STK31: variants seen among roughly 807,000 people sequenced by gnomAD.
STK31 encodes the protein serine/threonine-protein kinase 31.
In STK31, 89 loss-of-function variants were observed where a neutral mutation model predicts 129.7. The ratio of observed to expected loss-of-function variants is 0.69; its 90% CI spans 0.58 to 0.82. The LOEUF is 0.82. Among genes scored for constraint, STK31 ranks in the 40% least tolerant of loss-of-function variants. The probability of loss-of-function intolerance (pLI) is 0.00; values close to 1 mark genes in which losing one functional copy is unlikely to be tolerated. For missense variants in STK31, 1,187 were observed against 1,176.4 expected (o/e 1.01, Z -0.13); for synonymous variants, 448 against 395.3 (o/e 1.13, Z -1.58).
chr7:23,826,801 T>C (rs1794182041), intron 23 of STK31, among the ~76,000 whole-genome samples: 1 of 152,202 alleles, frequency 6.6e-6, no homozygotes, highest in African/African-American at 2.4e-5. Context: ...GGTGACAAAA[T>C]CTCTCAGCAT....
rs1258829503 is a variant in STK31 at position 23,769,030 on chromosome 7, A to G, written c.1452A>G (p.Gln484=). 3 of 1,612,252 alleles carry G rather than the reference A, an allele frequency of 1.9e-6. No individual in the cohort carries two copies. Among genetic ancestry groups the G allele is most frequent in the African/African-American group, 1.3e-5 (1 of 74,932 alleles). The stretch of plus-strand genomic sequence containing the variant: ...TCTCTTTAGAAGCAGTGTATGGACA[A>G]GCCAAAGAAGGAGCAAATTCTGATG... The part of the protein sequence containing the change: ...LSVSLEAVYG[Q]AKEGANSDEI... Residue 484 remains glutamine, a synonymous_variant, in exon 12 of 24, where the codon CAA becomes CAG. Transcript: ENST00000355870.
intron 3 of STK31, among the ~76,000 whole-genome samples, chr7:23,716,276 A>G (rs1786316406): frequency 1.3e-5 from 2 of 152,208 alleles, no homozygotes; most frequent in East Asian, 1.9e-4. Context: ...TAGATTAGCA[A>G]GAGTTCCACA....
intron 6 of STK31, among the ~76,000 whole-genome samples, chr7:23,730,879 T>TATATATATATATATATATA (rs1491380351): frequency 1.0e-4 from 4 of 39,286 alleles, no homozygotes; most frequent in South Asian, 1.4e-3. Context: ...TATATATATA[T>TATATATATATATATATATA]TTTTTTTTTT....
rs183099773 is a variant in STK31, at chr7:23,788,138, T to G, written c.2637+9T>G. ...ACTTCACCAAATCTGTGGTAAGATA[T>G]CATGGTTTTACAAATAGGTTCTAGA... On this transcript the variant is annotated intron_variant, in intron 21 of 23. Coordinates refer to ENST00000355870, the MANE Select transcript of STK31 (RefSeq NM_031414.5). 7.9e-5 allele frequency: 126 copies of G among 1,604,792 alleles called. No individual in the cohort carries two copies. The East Asian group carries it at 2.8e-3, about 36-fold the overall frequency.
chr7:23,710,655 G>A, intron 1 of STK31: 1 of 1,174,998 alleles, frequency 8.5e-7, no homozygotes, highest in Non-Finnish European at 1.1e-6. Context: ...AAGTGTCAGA[G>A]AGCTACGTGT....
chr7:23,811,359 C>T, intron 22 of STK31: 1 of 381,318 alleles, frequency 2.6e-6, no homozygotes, highest in South Asian at 2.4e-5. Flanking sequence ...TCAAGTTTGC[C>T]TTTGATTGAT....
At chr7:23,764,530 C>A (rs897418221) in intron 11 of STK31, among the ~76,000 whole-genome samples, 1 of 152,076 alleles carries the variant, frequency 6.6e-6, no homozygotes, top group African/African-American at 2.4e-5. Flanking sequence ...ATTTAGACTT[C>A]TTTTGTGGCA....
At chr7:23,774,793 T>C (rs1418288652) in intron 15 of STK31, among the ~76,000 whole-genome samples, 1 of 152,228 alleles carries the variant, frequency 6.6e-6, no homozygotes, top group Non-Finnish European at 1.5e-5. Context: ...AGATCCCATT[T>C]GTCAATTTTG....
intron 10 of STK31, among the ~76,000 whole-genome samples, chr7:23,756,207 T>G (rs1361413419): frequency 1.3e-5 from 2 of 152,200 alleles, no homozygotes; most frequent in South Asian, 2.1e-4. Flanking sequence ...GAAGAGGTCC[T>G]TCACATCCCT....
chr7:23,726,881 AAT>A (rs752937285), intron 4 of STK31, among the ~76,000 whole-genome samples: 42 of 152,328 alleles, frequency 2.8e-4, no homozygotes, highest in Non-Finnish European at 5.1e-4. Context: ...TGTTAAAAAA[AAT>A]TGTACCAATT....
At chr7:23,736,207 G>A (rs1410297908) in intron 7 of STK31, among the ~76,000 whole-genome samples, 1 of 152,190 alleles carries the variant, frequency 6.6e-6, no homozygotes, top group Admixed American at 6.5e-5. Context: ...TTCAGGCAAA[G>A]TCAGAATTTC....
At chr7:23,776,978 T>C (rs1000916994) in intron 15 of STK31, among the ~76,000 whole-genome samples, 6 of 152,248 alleles carry the variant, frequency 3.9e-5, no homozygotes, top group Non-Finnish European at 8.8e-5. Context: ...AATTTCCCTC[T>C]AAACACTGCT....
At position 23,801,899 on chromosome 7, in the gene STK31, A is replaced by C. The variant is rs183129721; in HGVS notation, c.2760+10953A>C. Among the ~76,000 whole-genome samples the C allele has an allele frequency of 8.5e-4, 130 of 152,284 alleles. 4 individuals carry two copies. In the East Asian group the frequency reaches 0.018, roughly 21 times the overall value. ...CTTTCTGCTGTTGATCTGTGTGTCT[A>C]TCCGTTTACCAACATCATACTGTCT... On this transcript the variant is annotated intron_variant, in intron 22 of 23. Coordinates refer to ENST00000355870, the MANE Select transcript of STK31 (RefSeq NM_031414.5).
chr7:23,767,159 A>T (rs751805931), intron 11 of STK31, among the ~76,000 whole-genome samples: 40 of 151,942 alleles, frequency 2.6e-4, no homozygotes, highest in Non-Finnish European at 4.6e-4. Context: ...TTGAGTTCTT[A>T]CTGTTATCTG....
intron 22 of STK31, among the ~76,000 whole-genome samples, chr7:23,804,156 G>A (rs1457127545): frequency 1.3e-5 from 2 of 151,936 alleles, no homozygotes; most frequent in Non-Finnish European, 1.5e-5. Flanking sequence ...GAGCTCAAGC[G>A]ATCTTCCCAC....
chr7:23,831,266 T>G (rs1457260881), intron 23 of STK31, among the ~76,000 whole-genome samples: 1 of 152,206 alleles, frequency 6.6e-6, no homozygotes, highest in Non-Finnish European at 1.5e-5. Context: ...TAATATTTGA[T>G]TTATATATCT....
At chr7:23,787,566 G>A (rs1430775278) in intron 20 of STK31, among the ~76,000 whole-genome samples, 1 of 152,074 alleles carries the variant, frequency 6.6e-6, no homozygotes, top group Admixed American at 6.6e-5. Flanking sequence ...ATTCTCATAG[G>A]AGCATAAACT....
At chr7:23,806,628 C>T (rs530342300) in intron 22 of STK31, among the ~76,000 whole-genome samples, 4 of 152,062 alleles carry the variant, frequency 2.6e-5, no homozygotes, top group East Asian at 1.9e-4. Context: ...GGGCCGGGCG[C>T]GGTGGCTCAC....
chr7:23,820,262 A>C (rs762081218), intron 23 of STK31, among the ~76,000 whole-genome samples: 1 of 152,206 alleles, frequency 6.6e-6, no homozygotes, highest in Non-Finnish European at 1.5e-5. Context: ...CAGTTGGCCC[A>C]GTGGAACCTA....
Sources: gnomAD v4.1 joint callset for allele counts (sites outside exome capture counted in the v4.1 genomes callset) on GRCh38, gnomAD v4.1.1 for gene constraint, MANE v1.5 for transcripts, NCBI Gene and HGNC (gene_info 2026-07-23, HGNC 2026-07-21) for gene names.